Variants in PCED1A observed in about 807,000 individuals in gnomAD.
PCED1A encodes PC-esterase domain containing 1A, also known as PC-esterase domain-containing protein 1A.
A neutral mutation model predicts 41.9 loss-of-function variants in PCED1A; 20 were observed. The ratio of observed to expected loss-of-function variants is 0.48; its 90% CI spans 0.34 to 0.69. The LOEUF is 0.69. Among genes scored for constraint, PCED1A ranks in the 30% least tolerant of loss-of-function variants. The pLI is 0.01. For missense variants in PCED1A, 498 were observed against 602.1 expected (o/e 0.83, Z 1.81); for synonymous variants, 236 against 241.3 (o/e 0.98, Z 0.20).
rs573452950 is a variant in PCED1A, at chr20:2,840,459, C to G, written c.-270G>C. ...GCGCCTCAGGCCTCGGCGCCTCGGG[C>G]TGCGACGCTCACAGCTTCCACTTCC... On this transcript the variant is annotated 5_prime_UTR_variant, in exon 1 of 8. Transcript: ENST00000360652. 110 of 452,490 alleles carry G rather than the reference C, an allele frequency of 2.4e-4. No homozygotes were observed. The highest frequency in any genetic ancestry group is 2.3e-3 in the African/African-American group (107 of 47,392). 28.0% of individuals were successfully genotyped at this position (452,490 alleles called of 1,614,324 possible).
At position 2,835,686 on chromosome 20, in the gene PCED1A, C is replaced by T. The variant is rs1318078761; in HGVS notation, c.1141G>A (p.Val381Met). The T allele has an allele frequency of 6.4e-7, 1 of 1,572,964 alleles. No homozygotes were observed. Among genetic ancestry groups the T allele is most frequent in the Non-Finnish European group, 8.7e-7 (1 of 1,154,640 alleles). ...ATTGGAGGTGGCAGAGGGCCAGGCA[C>T]AAAGTTCACTCCAGGGCCACATCCT... Reference protein sequence around the residue: ...HLGCGPGVNFVPGPLPPPIPG... With the variant: ...HLGCGPGVNFMPGPLPPPIPG... The change falls in exon 8 of 8, where the codon GTG becomes ATG. Residue 381 changes from valine (V) to methionine (M), a missense_variant. Val to Met is a conservative substitution (Grantham distance 21). Around this residue, in one of 2 missense-constraint regions of PCED1A, gnomAD observed 245 missense variants for 232.4 expected, o/e 1.05. Transcript: ENST00000360652.
chr20:2,838,851 G>C lies in PCED1A; in HGVS notation c.436C>G (p.Leu146Val). Residue 146 changes from leucine to valine, a missense_variant, in exon 4 of 8, where the codon CTC becomes GTC. Around this residue, in one of 2 missense-constraint regions of PCED1A, gnomAD observed 253 missense variants for 369.7 expected, o/e 0.68. Coordinates refer to ENST00000360652, the MANE Select transcript of PCED1A (RefSeq NM_022760.6). This position sits in a 1 kb window ranked among gnomAD's most constrained non-coding sequence, Gnocchi z 5.8. Reference protein sequence around the residue: ...LVIINSCLWDLSRYGRCSMES... With the variant: ...LVIINSCLWDVSRYGRCSMES... ...CCTTTCCCTCGCCCCAACCTGGAGA[G>C]ATCCCAGAGGCAGGAGTTGATGATC... is the stretch of plus-strand genomic sequence containing the variant. The C allele has an allele frequency of 6.2e-7, 1 of 1,614,192 alleles. No individual in the cohort carries two copies. Among genetic ancestry groups the C allele is most frequent in the Non-Finnish European group, 8.5e-7 (1 of 1,180,032 alleles).
At position 2,839,796 on chromosome 20, in the gene PCED1A, C is replaced by T. The variant is rs751886051; in HGVS notation, c.117G>A (p.Gly39=). The change falls in exon 2 of 8, where the codon GGG becomes GGA. Residue 39 remains glycine, a synonymous_variant. Transcript: ENST00000360652. ...CCTAGAAGAGGCACTCACTGGAGTC[C>T]CCCAAGATGACCACGAACTTGTTGT... is the stretch of plus-strand genomic sequence containing the variant. ...LLHNKFVVIL[G]DSIQRAVYKD... 6.2e-6 allele frequency: 10 copies of T among 1,614,098 alleles called. No individual in the cohort carries two copies. The highest frequency in any genetic ancestry group is 3.4e-6 in the Non-Finnish European group (4 of 1,179,990).
rs1235264656 is a variant in PCED1A at position 2,840,460 on chromosome 20, T to A, written c.-271A>T. ...CGCCTCAGGCCTCGGCGCCTCGGGC[T>A]GCGACGCTCACAGCTTCCACTTCCG... On this transcript the variant is annotated 5_prime_UTR_variant, in exon 1 of 8. Transcript: ENST00000360652. 3 of 453,118 alleles carry A rather than the reference T, an allele frequency of 6.6e-6. No homozygotes were observed. Among genetic ancestry groups the A allele is most frequent in the African/African-American group, 6.3e-5 (3 of 47,284 alleles). The allele number at this position is 453,118 out of a possible 1,614,324, so 28.1% of individuals were successfully genotyped here.
Position 2,838,677 on chromosome 20 carries a change from T to C in PCED1A, c.513A>G (p.Val171=), listed in dbSNP as rs148053451. The C allele has an allele frequency of 8.7e-6, 14 of 1,614,148 alleles. No homozygotes were observed. Among genetic ancestry groups the C allele is most frequent in the African/African-American group, 1.3e-5 (1 of 75,024 alleles). Residue 171 remains valine, a synonymous_variant, in exon 5 of 8, where the codon GTA becomes GTG. Transcript: ENST00000360652. The surrounding 1 kb of genome is among the most constrained non-coding windows in gnomAD (Gnocchi z 5.8). ...LERVFVRMDQ[V]LPDSCLLVWN... is the part of the protein sequence containing the mutation. ...ACACCAGCAGGCAGGAGTCTGGCAA[T>C]ACTTGGTCCATGCGCACAAACACCC...
intron 7 of PCED1A, 69 bp downstream of exon 7, chr20:2,835,970 G>A: frequency 6.9e-7 from 1 of 1,451,886 alleles, no homozygotes; most frequent in South Asian, 1.5e-5. Context: ...ACTCCTCTCA[G>A]CTCACCTAGG....
At position 2,836,259 on chromosome 20, in the gene PCED1A, C is replaced by A. The variant is rs1013965900; in HGVS notation, c.897G>T (p.Arg299Ser). 5.0e-6 allele frequency: 8 copies of A among 1,614,000 alleles called. No individual in the cohort carries two copies. Among genetic ancestry groups the A allele is most frequent in the Non-Finnish European group, 6.8e-6 (8 of 1,180,032 alleles). ...EMNHPFQGSH[R>S]QTPDFGEHLA... ...GGTGCTCCCCGAAGTCTGGGGTCTG[C>A]CTATGGCTTCCCTGGAATGGATGAT... The change falls in exon 7 of 8, where the codon AGG (arginine) becomes AGT (serine). Residue 299 changes from arginine (R) to serine (S), a missense_variant. Coordinates refer to ENST00000360652, the MANE Select transcript of PCED1A (RefSeq NM_022760.6).
chr20:2,839,084 T>TGGGGGCCC lies in PCED1A; in HGVS notation c.205-3_205-2insGGGCCCCC. 2.8e-6 allele frequency: 2 copies of TGGGGGCCC among 725,220 alleles called. No individual in the cohort carries two copies. Among genetic ancestry groups the TGGGGGCCC allele is most frequent in the Non-Finnish European group, 3.8e-6 (2 of 522,196 alleles). The allele number at this position is 725,220 out of a possible 1,614,324, so 44.9% of individuals were successfully genotyped here. A position where few individuals can be genotyped will look rare whatever the true frequency, so the allele number is the denominator to read the frequency against. ...GTCCTGTTCAAAGCTCAGCTCCCCC[T>TGGGGGCCC]ACCCACCCCCCCCACCCTACTGGTC... is the stretch of plus-strand genomic sequence containing the variant. On this transcript the variant is annotated splice_region_variant and splice_polypyrimidine_tract_variant and intron_variant, in intron 3 of 7. Transcript: ENST00000360652.
Position 2,835,425 on chromosome 20 carries a change from G to A in PCED1A, c.*37C>T. 6.4e-7 allele frequency: 1 copy of A among 1,572,146 alleles called. No homozygotes were observed. The highest frequency in any genetic ancestry group is 1.7e-4 in the Middle Eastern group (1 of 5,884). ...CTGAGGTGCCAGGCAGGCCCTGAAG[G>A]GCCATTGGCACATCCAGTCCCAGCC... is the stretch of plus-strand genomic sequence containing the variant. On this transcript the variant is annotated 3_prime_UTR_variant, in exon 8 of 8. Transcript: ENST00000360652.
At chr20:2,839,401 G>A in intron 2 of PCED1A, 130 bp from the exon 3 acceptor site, 2 of 832,760 alleles carry the variant, frequency 2.4e-6, no homozygotes, top group South Asian at 1.7e-5. Context: ...AGACGCAGGA[G>A]AAAAGATGAG....
rs1169647199 is a variant in PCED1A, at chr20:2,838,426, T to C, written c.647A>G (p.Tyr216Cys). The C allele has an allele frequency of 1.9e-6, 3 of 1,614,224 alleles. No homozygotes were observed. In the East Asian group the frequency reaches 6.7e-5, roughly 36 times the overall value. ...LRRDVVEGNF[Y>C]SATLAGDHCF... ...GTGGTCCCCGGCCAGCGTAGCACTGTAGAAGTTCCCTTCAACCACATCCCG... is the reference window on the plus strand; with the variant it reads ...GTGGTCCCCGGCCAGCGTAGCACTGCAGAAGTTCCCTTCAACCACATCCCG... Residue 216 changes from tyrosine to cysteine, a missense_variant, in exon 6 of 8, where the codon TAC (tyrosine) becomes TGC (cysteine). Physicochemically the swap from Tyr to Cys is radical, Grantham distance 194. Transcript: ENST00000360652. The surrounding 1 kb of genome is among the most constrained non-coding windows in gnomAD (Gnocchi z 5.8).
chr20:2,839,497 G>A (rs1327799766), intron 2 of PCED1A, among the ~76,000 whole-genome samples: 1 of 152,216 alleles, frequency 6.6e-6, no homozygotes, highest in African/African-American at 2.4e-5. Flanking sequence ...CAGAAATTAA[G>A]TCGGCCAAGT....
In PCED1A at chr20:2,839,084, T is replaced by TGGGCCCCC; in HGVS notation, c.205-3_205-2insGGGGGCCC. On this transcript the variant is annotated splice_region_variant and splice_polypyrimidine_tract_variant and intron_variant, in intron 3 of 7. Transcript: ENST00000360652. ...GTCCTGTTCAAAGCTCAGCTCCCCC[T>TGGGCCCCC]ACCCACCCCCCCCACCCTACTGGTC... is the stretch of plus-strand genomic sequence containing the variant. 4.1e-6 allele frequency: 3 copies of TGGGCCCCC among 725,238 alleles called. No homozygotes were observed. Among genetic ancestry groups the TGGGCCCCC allele is most frequent in the Non-Finnish European group, 5.7e-6 (3 of 522,212 alleles). 44.9% of individuals were successfully genotyped at this position (725,238 alleles called of 1,614,324 possible).
Position 2,838,807 on chromosome 20 carries a change from C to T in PCED1A, c.443+37G>A, listed in dbSNP as rs2088884885. The T allele has an allele frequency of 1.9e-6, 3 of 1,614,182 alleles. No individual in the cohort carries two copies. The highest frequency in any genetic ancestry group is 2.5e-6 in the Non-Finnish European group (3 of 1,180,010). On this transcript the variant is annotated intron_variant, in intron 4 of 7. Transcript: ENST00000360652. The surrounding 1 kb of genome is among the most constrained non-coding windows in gnomAD (Gnocchi z 5.8). The stretch of plus-strand genomic sequence containing the variant: ...GGGTGGACTGCCTCAGCCGTACTTC[C>T]AGCCCCAACCAGTATTCCCCTTTCC...
intron 6 of PCED1A, among the ~76,000 whole-genome samples, chr20:2,837,828 A>AC (rs1419951057): frequency 2.0e-5 from 3 of 151,800 alleles, no homozygotes; most frequent in Non-Finnish European, 4.4e-5. Context: ...AGTTGACTGT[A>AC]CCCCCACCCC....
upstream of PCED1A, chr20:2,840,663 G>C (rs887105393): frequency 2.5e-6 from 3 of 1,214,414 alleles, no homozygotes; most frequent in Admixed American, 4.0e-5. Flanking sequence ...GGTGATGGCC[G>C]CGGCGGCGGC....
intron 2 of PCED1A, 115 bp from the exon 3 acceptor site, chr20:2,839,386 G>T: frequency 1.1e-6 from 1 of 943,214 alleles, no homozygotes; most frequent in Non-Finnish European, 1.6e-6. Flanking sequence ...CTCTGTGGTT[G>T]ACTTAGACGC....
At position 2,835,557 on chromosome 20, in the gene PCED1A, GC is replaced by G. The variant is rs772305388; in HGVS notation, c.1269del (p.Cys425AlafsTer11). The G allele has an allele frequency of 3.1e-6, 5 of 1,614,048 alleles. No individual in the cohort carries two copies. The highest frequency in any genetic ancestry group is 1.7e-5 in the Admixed American group (1 of 59,994). On this transcript the variant is annotated frameshift_variant, in exon 8 of 8. Coordinates refer to ENST00000360652, the MANE Select transcript of PCED1A (RefSeq NM_022760.6). LOFTEE classifies it high-confidence loss of function. ...GAGTGTCTGAGCCGCTGCCTGCAGG[GC>G]CCCCCCATTCTCCGCACATGGTAGG... ...NSPYHVRRMG[G>X]PCRQRLRHSE...
chr20:2,839,085 A>ATGGGGCCCC lies in PCED1A; in HGVS notation c.205-4_205-3insGGGGCCCCA. On this transcript the variant is annotated splice_region_variant and splice_polypyrimidine_tract_variant and intron_variant, in intron 3 of 7. Transcript: ENST00000360652. ...TCCTGTTCAAAGCTCAGCTCCCCCTACCCACCCCCCCCACCCTACTGGTCA... is the reference window on the plus strand; with the variant it reads ...TCCTGTTCAAAGCTCAGCTCCCCCTATGGGGCCCCCCCACCCCCCCCACCCTACTGGTCA... 2.0e-6 allele frequency: 1 copy of ATGGGGCCCC among 491,584 alleles called. No individual in the cohort carries two copies. The highest frequency in any genetic ancestry group is 3.5e-6 in the Non-Finnish European group (1 of 287,760). The allele number at this position is 491,584 out of a possible 1,614,324, so 30.5% of individuals were successfully genotyped here.
Sources: allele counts gnomAD v4.1 joint callset (sites outside exome capture counted in the v4.1 genomes callset), GRCh38; gene constraint gnomAD v4.1.1; regional missense constraint gnomAD v4.1.1; non-coding constraint Gnocchi (gnomAD v3.1); transcripts MANE v1.5; gene names NCBI Gene and HGNC (gene_info 2026-07-23, HGNC 2026-07-21).